PDCD1LG2: variants seen among roughly 807,000 people sequenced by gnomAD.
PDCD1LG2 encodes programmed cell death 1 ligand 2.
PDCD1LG2 carries 32 observed loss-of-function variants against 28.2 expected under a neutral mutation model. The ratio of observed to expected loss-of-function variants is 1.13; its 90% CI spans 0.86 to 1.52. The LOEUF is 1.52. Ranked by LOEUF, PDCD1LG2 falls within the 40% of genes most tolerant of loss-of-function variation. PDCD1LG2 has a pLI of 0.00. For missense variants in PDCD1LG2, 385 were observed against 323.8 expected (o/e 1.19, Z -1.45); for synonymous variants, 116 against 120.2 (o/e 0.97, Z 0.23).
chr9:5,511,012 G>A (rs1406029560), intron 1 of PDCD1LG2, among the ~76,000 whole-genome samples: 1 of 152,152 alleles, frequency 6.6e-6, no homozygotes, highest in African/African-American at 2.4e-5. Context: ...TATTGTTCTT[G>A]TTGCTCAGTT....
At chr9:5,551,245 C>A (rs191062077) in intron 4 of PDCD1LG2, among the ~76,000 whole-genome samples, 1 of 152,260 alleles carries the variant, frequency 6.6e-6, no homozygotes, top group East Asian at 1.9e-4. Context: ...AGGACAGTCC[C>A]TAGTACTGAT....
chr9:5,515,198 C>T (rs541604747), intron 1 of PDCD1LG2, among the ~76,000 whole-genome samples: 2 of 152,250 alleles, frequency 1.3e-5, no homozygotes, highest in African/African-American at 2.4e-5. Context: ...TTTCTAACTC[C>T]GCCCAATAAC....
chr9:5,544,394 A>T (rs569119773), intron 3 of PDCD1LG2, among the ~76,000 whole-genome samples: 4 of 152,214 alleles, frequency 2.6e-5, no homozygotes, highest in Non-Finnish European at 5.9e-5. Flanking sequence ...ATCTGGAGCC[A>T]GGGAAGAGAT....
chr9:5,525,697 T>C (rs1014835716), intron 2 of PDCD1LG2, among the ~76,000 whole-genome samples: 7 of 152,072 alleles, frequency 4.6e-5, no homozygotes, highest in Admixed American at 2.6e-4. Context: ...CACAATGTCC[T>C]TTTCATAAAT....
chr9:5,516,823 G>C (rs531002763), intron 1 of PDCD1LG2, among the ~76,000 whole-genome samples: 1 of 152,234 alleles, frequency 6.6e-6, no homozygotes, highest in Admixed American at 6.5e-5. Flanking sequence ...GCCAGGAGTG[G>C]GAAGAGGCCA....
chr9:5,518,553 G>A (rs537784389), intron 1 of PDCD1LG2, among the ~76,000 whole-genome samples: 2 of 152,232 alleles, frequency 1.3e-5, no homozygotes, highest in Non-Finnish European at 1.5e-5. Context: ...AATAAGGAAG[G>A]CTATCTTCTG....
In PDCD1LG2 at chr9:5,570,200, T is replaced by C; in HGVS notation, c.*241T>C. On this transcript the variant is annotated 3_prime_UTR_variant, in exon 7 of 7. Coordinates refer to ENST00000397747, the MANE Select transcript of PDCD1LG2 (RefSeq NM_025239.4). The stretch of plus-strand genomic sequence containing the variant: ...TGGCTTTAAGCAAGCACTACTGCAC[T>C]TTACAGAATTACCCCACTGGATCCT... 1 of 453,902 alleles carries C rather than the reference T, an allele frequency of 2.2e-6. No homozygotes were observed. Among genetic ancestry groups the C allele is most frequent in the East Asian group, 3.1e-5 (1 of 32,642 alleles). 28.1% of individuals were successfully genotyped at this position (453,902 alleles called of 1,614,324 possible). A position where few individuals can be genotyped will look rare whatever the true frequency, so the allele number is the denominator to read the frequency against.
rs141221333 is a variant in PDCD1LG2 at position 5,557,847 on chromosome 9, G to A, written c.766+95G>A. ...CAGGCCTATGGCTTGCTGCTTTCAT[G>A]CTAAACCCACTCAGAGCTTATGAAC... On this transcript the variant is annotated intron_variant, in intron 5 of 6. Transcript: ENST00000397747. 12 of 1,461,936 alleles carry A rather than the reference G, an allele frequency of 8.2e-6. No individual in the cohort carries two copies. In the Admixed American group the frequency reaches 1.1e-4, roughly 13 times the overall value. 90.6% of individuals were successfully genotyped at this position (1,461,936 alleles called of 1,614,324 possible).
At chr9:5,533,883 A>C (rs1820530365) in intron 2 of PDCD1LG2, among the ~76,000 whole-genome samples, 1 of 151,216 alleles carries the variant, frequency 6.6e-6, no homozygotes, top group Admixed American at 6.6e-5. Context: ...GTATTAAACA[A>C]TATAGTTAAA....
At chr9:5,521,476 T>C (rs936579588) in intron 1 of PDCD1LG2, among the ~76,000 whole-genome samples, 4 of 152,148 alleles carry the variant, frequency 2.6e-5, no homozygotes, top group Non-Finnish European at 5.9e-5. Context: ...AGAAAAAATA[T>C]ATAAACTCGC....
In PDCD1LG2 at chr9:5,571,213, G is replaced by C. The variant is rs1360510940; in HGVS notation, c.*1254G>C. ...AGTTTCTCAATTCTCATGTAAATCA[G>C]AGAATGCCTTTAAAGAATAAAACTC... On this transcript the variant is annotated 3_prime_UTR_variant, in exon 7 of 7. Transcript: ENST00000397747. 3 of 232,778 alleles carry C rather than the reference G, an allele frequency of 1.3e-5. No individual in the cohort carries two copies. Among genetic ancestry groups the C allele is most frequent in the Non-Finnish European group, 2.5e-5 (3 of 117,840 alleles). 14.4% of individuals were successfully genotyped at this position (232,778 alleles called of 1,614,324 possible).
At chr9:5,529,594 A>C (rs900243877) in intron 2 of PDCD1LG2, among the ~76,000 whole-genome samples, 5 of 152,138 alleles carry the variant, frequency 3.3e-5, no homozygotes, top group African/African-American at 1.2e-4. Flanking sequence ...ATAACCCAGA[A>C]ATATTTTTTA....
intron 3 of PDCD1LG2, among the ~76,000 whole-genome samples, chr9:5,540,187 A>G (rs1028793567): frequency 2.0e-5 from 3 of 152,232 alleles, no homozygotes; most frequent in Admixed American, 6.5e-5. Context: ...TTTGAACTGA[A>G]CGATAATAGT....
chr9:5,546,281 G>C (rs1816204265), intron 3 of PDCD1LG2, among the ~76,000 whole-genome samples: 1 of 152,084 alleles, frequency 6.6e-6, no homozygotes, highest in South Asian at 2.1e-4. Flanking sequence ...CTGCAATAGT[G>C]GGCTGGACCC....
chr9:5,531,133 T>C (rs1347310116), intron 2 of PDCD1LG2, among the ~76,000 whole-genome samples: 1 of 152,218 alleles, frequency 6.6e-6, no homozygotes, highest in Non-Finnish European at 1.5e-5. Flanking sequence ...GCCTGGGCAT[T>C]AGTGTGTTTT....
chr9:5,568,703 ACTTT>A (rs1816713977), intron 6 of PDCD1LG2, among the ~76,000 whole-genome samples: 1 of 152,188 alleles, frequency 6.6e-6, no homozygotes, highest in East Asian at 1.9e-4. Flanking sequence ...GCAACTTCAC[ACTTT>A]CTTTCTTCAG....
chr9:5,549,566 A>C lies in PDCD1LG2; in HGVS notation c.593A>C (p.His198Pro), dbSNP rs2129878235. ...TTCAGCTGTGTGTTCTGGAATACTC[A>C]CGTGAGGGAACTTACTTTGGCCAGC... ...RNFSCVFWNT[H>P]VRELTLASID... The change falls in exon 4 of 7, where the codon CAC (histidine) becomes CCC (proline). Residue 198 changes from histidine (H) to proline (P), a missense_variant. Physicochemically the swap from His to Pro is moderately conservative, Grantham distance 77. Coordinates refer to ENST00000397747, the MANE Select transcript of PDCD1LG2 (RefSeq NM_025239.4). 3 of 1,614,210 alleles carry C rather than the reference A, an allele frequency of 1.9e-6. No homozygotes were observed. Among genetic ancestry groups the C allele is most frequent in the Non-Finnish European group, 2.5e-6 (3 of 1,180,040 alleles).
chr9:5,555,665 C>T (rs1165777736), intron 4 of PDCD1LG2, among the ~76,000 whole-genome samples: 1 of 152,202 alleles, frequency 6.6e-6, no homozygotes, highest in Non-Finnish European at 1.5e-5. Context: ...TGTTGCTCTG[C>T]CATTCTCCAG....
At chr9:5,539,310 C>A (rs188165277) in intron 3 of PDCD1LG2, among the ~76,000 whole-genome samples, 41 of 152,102 alleles carry the variant, frequency 2.7e-4, no homozygotes, top group Admixed American at 2.6e-3. Context: ...GATCCAGGGT[C>A]TCTAAAAGAA....
Sources: gnomAD v4.1 joint callset for allele counts (sites outside exome capture counted in the v4.1 genomes callset) on GRCh38, gnomAD v4.1.1 for gene constraint, MANE v1.5 for transcripts, NCBI Gene and HGNC (gene_info 2026-07-23, HGNC 2026-07-21) for gene names.